DGLUCY: variants seen among roughly 807,000 people sequenced by gnomAD.
DGLUCY encodes the protein D-glutamate cyclase, mitochondrial.
DGLUCY carries 58 observed loss-of-function variants against 58.5 expected under a neutral mutation model. The ratio of observed to expected loss-of-function variants is 0.99; its 90% CI spans 0.80 to 1.23. The LOEUF is 1.23. Among genes scored for constraint, DGLUCY ranks in the 50% most tolerant of loss-of-function variants. DGLUCY has a pLI of 0.00. For missense variants in DGLUCY, 779 were observed against 784.7 expected (o/e 0.99, Z 0.09); for synonymous variants, 325 against 314.1 (o/e 1.03, Z -0.37).
chr14:91,102,743 A>ATGTATGTGTG (rs1555391099), intron 1 of DGLUCY, among the ~76,000 whole-genome samples: 1 of 130,586 alleles, frequency 7.7e-6, no homozygotes, highest in East Asian at 2.3e-4. Flanking sequence ...TCCAGTGTGT[A>ATGTATGTGTG]TGTGTGTGTG....
At chr14:91,123,927 C>CTTT (rs113927504) in intron 1 of DGLUCY, among the ~76,000 whole-genome samples, 1 of 131,768 alleles carries the variant, frequency 7.6e-6, no homozygotes, top group African/African-American at 2.9e-5. Context: ...AATAATCAGA[C>CTTT]TTTTTTTTTT....
chr14:91,137,215 C>T (rs1659521652), intron 1 of DGLUCY, among the ~76,000 whole-genome samples: 1 of 151,386 alleles, frequency 6.6e-6, no homozygotes, highest in African/African-American at 2.4e-5. Context: ...TCAAGGGGTC[C>T]TCCCACCCCA....
chr14:91,139,276 C>T (rs932212983), intron 1 of DGLUCY, among the ~76,000 whole-genome samples: 2 of 152,116 alleles, frequency 1.3e-5, no homozygotes, highest in Non-Finnish European at 2.9e-5. Context: ...TTGTTCTCTT[C>T]GAGTCCTCCG....
At chr14:91,109,670 AAG>A (rs948329563), upstream of DGLUCY, among the ~76,000 whole-genome samples, 1 of 152,164 alleles carries the variant, frequency 6.6e-6, no homozygotes, top group Admixed American at 6.5e-5. Flanking sequence ...AGGGCAGAGA[AAG>A]AGAGAAAGGA....
chr14:91,169,456 GAGTAGTGC>G, intron 4 of DGLUCY, among the ~76,000 whole-genome samples: 1 of 151,416 alleles, frequency 6.6e-6, no homozygotes, highest in East Asian at 1.9e-4. Flanking sequence ...GCCCAGGCTG[GAGTAGTGC>G]AGTGGCACGA....
intron 1 of DGLUCY, among the ~76,000 whole-genome samples, chr14:91,108,882 G>A (rs1228130243): frequency 6.6e-6 from 1 of 152,058 alleles, no homozygotes; most frequent in Non-Finnish European, 1.5e-5. Flanking sequence ...CAAAATATTG[G>A]GGACGATTGG....
intron 1 of DGLUCY, among the ~76,000 whole-genome samples, chr14:91,140,031 C>T (rs931599099): frequency 1.3e-5 from 2 of 152,188 alleles, no homozygotes; most frequent in Non-Finnish European, 2.9e-5. Flanking sequence ...AGAGTAACTA[C>T]CTGCAGAGAT....
chr14:91,116,526 C>T (rs886908990), intron 1 of DGLUCY, among the ~76,000 whole-genome samples: 1 of 152,112 alleles, frequency 6.6e-6, no homozygotes, highest in Non-Finnish European at 1.5e-5. Flanking sequence ...TGATCTCAAT[C>T]CAGAATACTT....
intron 4 of DGLUCY, 62 bp from the exon 5 acceptor site, chr14:91,169,941 T>C: frequency 6.6e-7 from 1 of 1,515,592 alleles, no homozygotes; most frequent in Non-Finnish European, 9.1e-7. Flanking sequence ...CCTTCTATAA[T>C]GTATTATCAG....
rs571091648 is a variant in DGLUCY at position 91,069,523 on chromosome 14, G to A, written c.-82+8819G>A. On this transcript the variant is annotated intron_variant, in intron 1 of 4. Transcript: ENST00000521334. ...TCGAACTCCTGACCTCAGGTGATCCGCCCACCTCAGCCTCCCAAAGTGCTG... is the reference window on the plus strand; with the variant it reads ...TCGAACTCCTGACCTCAGGTGATCCACCCACCTCAGCCTCCCAAAGTGCTG... Among the ~76,000 whole-genome samples, 8 of 152,048 alleles carry A rather than the reference G, an allele frequency of 5.3e-5. No individual in the cohort carries two copies. In the South Asian group the frequency reaches 1.7e-3, roughly 32 times the overall value.
intron 1 of DGLUCY, among the ~76,000 whole-genome samples, chr14:91,130,571 G>T (rs1273756634): frequency 1.3e-5 from 2 of 152,024 alleles, no homozygotes; most frequent in Non-Finnish European, 2.9e-5. Context: ...CTCCCAAATT[G>T]CTGGGATTAC....
intron 9 of DGLUCY, among the ~76,000 whole-genome samples, chr14:91,193,133 C>A (rs2050002062): frequency 6.6e-6 from 1 of 152,102 alleles, no homozygotes; most frequent in Non-Finnish European, 1.5e-5. Context: ...AAGGGCAGAA[C>A]AGCCAGCGAG....
rs61990136 is a variant in DGLUCY at position 91,157,267 on chromosome 14, G to A, written c.-81-372G>A. Reference sequence around the variant, plus strand: ...GATGGATGGATGGATGAATGAATGGGTGGATGGATGGATGGGTGGGTGGAT... The same window carrying A: ...GATGGATGGATGGATGAATGAATGGATGGATGGATGGATGGGTGGGTGGAT... On this transcript the variant is annotated intron_variant, in intron 1 of 13. Transcript: ENST00000256324. Among the ~76,000 whole-genome samples the A allele has an allele frequency of 2.1e-3, 293 of 141,756 alleles. 8 individuals carry two copies. The highest frequency in any genetic ancestry group is 7.4e-3 in the African/African-American group (280 of 37,906). 93.0% of individuals were successfully genotyped at this position (141,756 alleles called of 152,430 possible).
intron 8 of DGLUCY, among the ~76,000 whole-genome samples, chr14:91,184,577 TG>T (rs1217191950): frequency 3.6e-3 from 84 of 23,256 alleles, no homozygotes; most frequent in Non-Finnish European, 3.8e-3. Flanking sequence ...GAAAGAAAGT[TG>T]GGGGGGGGGA....
chr14:91,085,668 C>G (rs2044205123), intron 1 of DGLUCY, among the ~76,000 whole-genome samples: 1 of 151,520 alleles, frequency 6.6e-6, no homozygotes, highest in African/African-American at 2.4e-5. Context: ...CTCCTGGGTT[C>G]AAGCGATTCT....
At chr14:91,190,230 G>A (rs891652378) in intron 9 of DGLUCY, among the ~76,000 whole-genome samples, 1 of 151,848 alleles carries the variant, frequency 6.6e-6, no homozygotes, top group African/African-American at 2.4e-5. Flanking sequence ...CTCGTGATCC[G>A]CCCGCCTCGG....
At chr14:91,124,345 C>T (rs1248935994) in intron 1 of DGLUCY, among the ~76,000 whole-genome samples, 1 of 152,146 alleles carries the variant, frequency 6.6e-6, no homozygotes, top group African/African-American at 2.4e-5. Context: ...CTCCTGATGC[C>T]TCCTCTTCTC....
chr14:91,061,240 A>T (rs1379489432), intron 1 of DGLUCY, among the ~76,000 whole-genome samples: 1 of 152,180 alleles, frequency 6.6e-6, no homozygotes, highest in Non-Finnish European at 1.5e-5. Flanking sequence ...GCTCTAGTGA[A>T]CCCTAAACAA....
intron 1 of DGLUCY, among the ~76,000 whole-genome samples, chr14:91,118,077 C>CG (rs2045097045): frequency 5.4e-4 from 1 of 1,854 alleles, no homozygotes; most frequent in Non-Finnish European, 8.1e-4. Context: ...TTCTCCCCGC[C>CG]CCCCCCCCCC....
Sources: allele counts gnomAD v4.1 joint callset (sites outside exome capture counted in the v4.1 genomes callset), GRCh38; gene constraint gnomAD v4.1.1; transcripts MANE v1.5; gene names NCBI Gene and HGNC (gene_info 2026-07-23, HGNC 2026-07-21).